The following CCDC178 variants were observed in gnomAD, a reference collection of about 807,000 sequenced individuals.
CCDC178 encodes coiled-coil domain-containing protein 178.
A neutral mutation model predicts 117.4 loss-of-function variants in CCDC178; 126 were observed. That is an observed-to-expected ratio of 1.07 (90% CI 0.93 to 1.24). The LOEUF (loss-of-function observed/expected upper bound fraction) is 1.24, where lower values mean the gene tolerates loss of function less well. Among genes scored for constraint, CCDC178 ranks in the 50% most tolerant of loss-of-function variants. The probability of loss-of-function intolerance (pLI) is 0.00; values close to 1 mark genes in which losing one functional copy is unlikely to be tolerated. For synonymous variants in CCDC178, 283 were observed against 313.4 expected (o/e 0.90, Z 1.02); for missense variants, 1,030 against 986.9 (o/e 1.04, Z -0.59).
intron 21 of CCDC178, among the ~76,000 whole-genome samples, chr18:33,064,084 AT>A (rs1196777530): frequency 6.6e-6 from 1 of 152,248 alleles, no homozygotes; most frequent in Non-Finnish European, 1.5e-5. Flanking sequence ...GTTACACTAA[AT>A]GTGCAGATAT....
chr18:33,437,531 T>C (rs2064308701), intron 2 of CCDC178: 1 of 152,174 alleles, frequency 6.6e-6, no homozygotes, highest in Non-Finnish European at 1.5e-5. Flanking sequence ...ATATGAAAGG[T>C]CTTCTAATTA....
In CCDC178 at chr18:33,211,889, T is replaced by G. The variant is rs1244481389; in HGVS notation, c.2238+7A>C. Reference sequence around the variant, plus strand: ...TTCATTTTGAAACATGCAAAAATAATACTCACTTGGGTATCTTGAAGAGTT... The same window carrying G: ...TTCATTTTGAAACATGCAAAAATAAGACTCACTTGGGTATCTTGAAGAGTT... On this transcript the variant is annotated splice_region_variant and intron_variant, in intron 20 of 22. Transcript: ENST00000383096. 2.5e-6 allele frequency: 4 copies of G among 1,594,832 alleles called. No individual in the cohort carries two copies. Among genetic ancestry groups the G allele is most frequent in the Non-Finnish European group, 3.4e-6 (4 of 1,173,778 alleles).
chr18:33,114,498 A>C (rs1222877141), intron 20 of CCDC178, among the ~76,000 whole-genome samples: 4 of 152,048 alleles, frequency 2.6e-5, no homozygotes, highest in Admixed American at 2.0e-4. Flanking sequence ...CTTAACAGTT[A>C]TTACTCTATT....
chr18:33,154,132 G>A (rs2058367161), intron 20 of CCDC178, among the ~76,000 whole-genome samples: 1 of 152,082 alleles, frequency 6.6e-6, no homozygotes, highest in Admixed American at 6.6e-5. Flanking sequence ...TATAATCTGT[G>A]CACACAATAT....
chr18:33,002,994 G>C (rs2055671516), intron 21 of CCDC178, among the ~76,000 whole-genome samples: 1 of 152,036 alleles, frequency 6.6e-6, no homozygotes, highest in Non-Finnish European at 1.5e-5. Flanking sequence ...GCCACAATCT[G>C]AACAGACCAA....
intron 21 of CCDC178, among the ~76,000 whole-genome samples, chr18:33,008,806 A>C (rs1239261183): frequency 6.6e-6 from 1 of 152,060 alleles, no homozygotes; most frequent in Non-Finnish European, 1.5e-5. Flanking sequence ...ATGATTGCCA[A>C]CATTATCTAT....
chr18:33,191,174 G>A (rs916048948), intron 20 of CCDC178, among the ~76,000 whole-genome samples: 2 of 151,812 alleles, frequency 1.3e-5, no homozygotes, highest in African/African-American at 2.4e-5. Flanking sequence ...CTCAAGTTTG[G>A]GTTGGATGCC....
At chr18:33,291,176 G>C (rs911645546) in intron 12 of CCDC178, among the ~76,000 whole-genome samples, 6 of 151,910 alleles carry the variant, frequency 3.9e-5, no homozygotes, top group Admixed American at 3.3e-4. Context: ...CTCAGGGGTG[G>C]GAAAATTTCT....
chr18:33,371,274 T>C (rs919575794), intron 5 of CCDC178, among the ~76,000 whole-genome samples: 1 of 94,066 alleles, frequency 1.1e-5, no homozygotes, highest in African/African-American at 2.8e-5. Flanking sequence ...CTCTCATATA[T>C]GTGTGTGTGT....
At chr18:33,028,266 G>T (rs2056267861) in intron 21 of CCDC178, among the ~76,000 whole-genome samples, 1 of 151,594 alleles carries the variant, frequency 6.6e-6, no homozygotes, top group Non-Finnish European at 1.5e-5. Context: ...GTGAGATAAG[G>T]CACAAACTAT....
chr18:33,311,447 C>T (rs942409589), intron 11 of CCDC178, among the ~76,000 whole-genome samples: 4 of 152,224 alleles, frequency 2.6e-5, no homozygotes, highest in Non-Finnish European at 5.9e-5. Flanking sequence ...GGCTATTGTT[C>T]TCCAGTGCCA....
chr18:33,363,922 A>C (rs777966303), intron 6 of CCDC178, among the ~76,000 whole-genome samples: 8 of 152,072 alleles, frequency 5.3e-5, no homozygotes, highest in Non-Finnish European at 1.0e-4. Flanking sequence ...TTCTGGATCC[A>C]CATCTTTTCT....
intron 22 of CCDC178, among the ~76,000 whole-genome samples, chr18:32,946,706 T>C (rs1013658543): frequency 4.6e-5 from 6 of 129,894 alleles, no homozygotes; most frequent in Non-Finnish European, 9.7e-5. Context: ...TAACTTTGGA[T>C]CGTTGTGGTT....
chr18:33,135,277 TA>T (rs569794853), intron 20 of CCDC178, among the ~76,000 whole-genome samples: 82 of 152,202 alleles, frequency 5.4e-4, no homozygotes, highest in African/African-American at 1.8e-3. Context: ...TTTATTTCAT[TA>T]AAAATATAAT....
At chr18:33,016,720 TTGTATTCCCCAG>T (rs2055999711) in intron 21 of CCDC178, among the ~76,000 whole-genome samples, 1 of 152,076 alleles carries the variant, frequency 6.6e-6, no homozygotes, top group South Asian at 2.1e-4. Flanking sequence ...AAGATGTTAC[TTGTATTCCCCAG>T]TGTAACCACT....
chr18:33,107,221 G>T (rs1398551831), intron 20 of CCDC178, among the ~76,000 whole-genome samples: 1 of 151,588 alleles, frequency 6.6e-6, no homozygotes, highest in African/African-American at 2.4e-5. Context: ...AACTGTGTTA[G>T]GTACTAGACA....
At chr18:33,034,932 T>C (rs1209312604) in intron 21 of CCDC178, among the ~76,000 whole-genome samples, 1 of 152,046 alleles carries the variant, frequency 6.6e-6, no homozygotes, top group African/African-American at 2.4e-5. Context: ...AAAGTACATT[T>C]TGTTTTATGT....
At chr18:33,402,727 TTTG>T (rs2063725466) in intron 3 of CCDC178, among the ~76,000 whole-genome samples, 1 of 152,186 alleles carries the variant, frequency 6.6e-6, no homozygotes, top group Non-Finnish European at 1.5e-5. Flanking sequence ...TTTTGAGGAC[TTTG>T]TTGTTGTTGT....
chr18:33,314,639 A>C lies in CCDC178; in HGVS notation c.1022+8852T>G, dbSNP rs2062392787. Among the ~76,000 whole-genome samples the C allele has an allele frequency of 2.0e-5, 3 of 152,172 alleles. No individual in the cohort carries two copies. The South Asian group carries it at 6.2e-4, about 32-fold the overall frequency. ...TAGTAAAAGCCCTTCAGGCCTATAG[A>C]AACTGAAAATTACCTTCACTGTCGG... On this transcript the variant is annotated intron_variant, in intron 11 of 22. Coordinates refer to ENST00000383096, the MANE Select transcript of CCDC178 (RefSeq NM_001105528.4).
Sources: gnomAD v4.1 joint callset for allele counts (sites outside exome capture counted in the v4.1 genomes callset) on GRCh38, gnomAD v4.1.1 for gene constraint, MANE v1.5 for transcripts, NCBI Gene and HGNC (gene_info 2026-07-23, HGNC 2026-07-21) for gene names.